The following IFT80 variants were observed in gnomAD, a reference collection of about 807,000 sequenced individuals.
IFT80 encodes intraflagellar transport 80, also known as intraflagellar transport protein 80 homolog.
In IFT80, 79 loss-of-function variants were observed where a neutral mutation model predicts 107.9. The observed-to-expected ratio is 0.73, with a 90% CI of 0.61 to 0.88. IFT80 has a LOEUF of 0.88. Among genes scored for constraint, IFT80 ranks in the 40% least tolerant of loss-of-function variants. The pLI is 0.00. For synonymous variants in IFT80, 299 were observed against 300.9 expected (o/e 0.99, Z 0.07); for missense variants, 797 against 914.2 (o/e 0.87, Z 1.65).
At chr3:160,357,208 A>G (rs1721158373) in intron 7 of IFT80, among the ~76,000 whole-genome samples, 1 of 151,928 alleles carries the variant, frequency 6.6e-6, no homozygotes, top group Non-Finnish European at 1.5e-5. Flanking sequence ...CAAGTGATCC[A>G]CTCACCTCAG....
At chr3:160,385,724 ACTT>A (rs1472199774) in intron 1 of IFT80, among the ~76,000 whole-genome samples, 1 of 152,200 alleles carries the variant, frequency 6.6e-6, no homozygotes, top group Non-Finnish European at 1.5e-5. Flanking sequence ...TCCCAGGCAC[ACTT>A]CTTAAGTTCA....
intron 8 of IFT80, among the ~76,000 whole-genome samples, chr3:160,328,461 C>CAAAAAAAAA (rs1236379581): frequency 2.1e-5 from 1 of 47,900 alleles, no homozygotes; most frequent in African/African-American, 7.8e-5. Context: ...GACTCCATCT[C>CAAAAAAAAA]AAAAAAAAAA....
chr3:160,358,337 C>T lies in IFT80; in HGVS notation c.550-759G>A, dbSNP rs1232562470. Among the ~76,000 whole-genome samples, 3 of 149,862 alleles carry T rather than the reference C, an allele frequency of 2.0e-5. No homozygotes were observed. In the East Asian group the frequency reaches 6.0e-4, roughly 30 times the overall value. On this transcript the variant is annotated intron_variant, in intron 6 of 19. Coordinates refer to ENST00000326448, the MANE Select transcript of IFT80 (RefSeq NM_020800.3). Reference sequence around the variant, plus strand: ...CCCCCTCAACCATTTTTTTTTTAAACTTCTGCACAAACATCTTTACTACCC... The same window carrying T: ...CCCCCTCAACCATTTTTTTTTTAAATTTCTGCACAAACATCTTTACTACCC...
chr3:160,304,115 T>G (rs896573892), intron 10 of IFT80, 126 bp from the exon 11 acceptor site: 2 of 692,548 alleles, frequency 2.9e-6, no homozygotes, highest in Non-Finnish European at 5.2e-6. Flanking sequence ...ATACTTTTAT[T>G]ACAGCACTTG....
intron 5 of IFT80, among the ~76,000 whole-genome samples, chr3:160,374,883 C>G (rs1001207713): frequency 1.2e-4 from 18 of 152,240 alleles, no homozygotes; most frequent in Admixed American, 1.1e-3. Flanking sequence ...AATAAATATT[C>G]TGCCTTGAGA....
At chr3:160,322,208 C>A (rs879786307) in intron 8 of IFT80, among the ~76,000 whole-genome samples, 1 of 146,154 alleles carries the variant, frequency 6.8e-6, no homozygotes, top group Non-Finnish European at 1.5e-5. Flanking sequence ...ACAACAGTCC[C>A]CAGAGTGTGA....
At position 160,372,900 on chromosome 3, in the gene IFT80, G is replaced by A. The variant is rs541565944; in HGVS notation, c.439+2912C>T. 1.2e-4 allele frequency among the ~76,000 whole-genome samples: 18 copies of A among 152,096 alleles called. No homozygotes were observed. The South Asian group carries it at 3.5e-3, about 30-fold the overall frequency. ...ATCTTGTTTACCCATCTATGGGAGG[G>A]CAGTGAGAGGAAGAGCATCACCATC... On this transcript the variant is annotated intron_variant, in intron 5 of 19. Transcript: ENST00000326448.
chr3:160,263,572 A>C (rs1019318331), intron 19 of IFT80, among the ~76,000 whole-genome samples: 7 of 152,148 alleles, frequency 4.6e-5, no homozygotes, highest in Non-Finnish European at 8.8e-5. Context: ...TCTTATTTTC[A>C]TCTCCTTCAA....
intron 8 of IFT80, among the ~76,000 whole-genome samples, chr3:160,324,490 A>C (rs1344177621): frequency 6.6e-6 from 1 of 152,130 alleles, no homozygotes; most frequent in Non-Finnish European, 1.5e-5. Context: ...CAAATCAATA[A>C]ATGTAATCCA....
intron 8 of IFT80, chr3:160,343,876 C>G (rs187131796): frequency 4.3e-6 from 1 of 234,880 alleles, no homozygotes; most frequent in East Asian, 1.5e-4. Context: ...GGGCAAGTAC[C>G]TGGCATCTAA....
intron 12 of IFT80, among the ~76,000 whole-genome samples, chr3:160,295,564 A>G (rs891723875): frequency 3.9e-5 from 6 of 152,012 alleles, no homozygotes; most frequent in African/African-American, 1.5e-4. Flanking sequence ...GCACCAGTGC[A>G]CTCTAGCCTG....
chr3:160,272,263 G>C (rs1255307634), intron 18 of IFT80, among the ~76,000 whole-genome samples: 1 of 152,058 alleles, frequency 6.6e-6, no homozygotes, highest in Non-Finnish European at 1.5e-5. Flanking sequence ...GAGTGAAACA[G>C]AGAAATAAGA....
intron 16 of IFT80, among the ~76,000 whole-genome samples, chr3:160,278,116 T>C (rs1211308202): frequency 1.3e-5 from 2 of 152,198 alleles, no homozygotes; most frequent in Admixed American, 1.3e-4. Flanking sequence ...GTTTTCCTTT[T>C]AATGAAAAGC....
At chr3:160,344,412 C>A (rs565440991) in intron 8 of IFT80, among the ~76,000 whole-genome samples, 1 of 152,146 alleles carries the variant, frequency 6.6e-6, no homozygotes, top group African/African-American at 2.4e-5. Context: ...TGAAACTAGA[C>A]CCCTATCTCT....
At chr3:160,332,534 T>C (rs973554997) in intron 8 of IFT80, among the ~76,000 whole-genome samples, 1 of 152,154 alleles carries the variant, frequency 6.6e-6, no homozygotes. Flanking sequence ...CAGTTTGGGA[T>C]ATGGGGCCTT....
chr3:160,327,836 A>G (rs1718784491), intron 8 of IFT80, among the ~76,000 whole-genome samples: 1 of 152,202 alleles, frequency 6.6e-6, no homozygotes, highest in Non-Finnish European at 1.5e-5. Context: ...AAATTGATAA[A>G]TGGGATCTAA....
chr3:160,304,718 A>G (rs1716715713), intron 10 of IFT80, among the ~76,000 whole-genome samples: 2 of 152,140 alleles, frequency 1.3e-5, no homozygotes, highest in Admixed American at 6.6e-5. Flanking sequence ...TACAGGCATG[A>G]GCCACTGTGC....
In IFT80 at chr3:160,301,511, A is replaced by G. The variant is rs116037851; in HGVS notation, c.1152-465T>C. On this transcript the variant is annotated intron_variant, in intron 11 of 19. Coordinates refer to ENST00000326448, the MANE Select transcript of IFT80 (RefSeq NM_020800.3). Reference sequence around the variant, plus strand: ...AAGATTAACTAGTGGTTAAAGTTTAAAGCAGTGAAAATGACTAAAAAAATT... The same window carrying G: ...AAGATTAACTAGTGGTTAAAGTTTAGAGCAGTGAAAATGACTAAAAAAATT... Among the ~76,000 whole-genome samples the G allele has an allele frequency of 3.2e-3, 481 of 152,096 alleles. 2 individuals carry two copies. The highest frequency in any genetic ancestry group is 0.011 in the African/African-American group (463 of 41,570).
chr3:160,363,350 C>T (rs995814312), intron 6 of IFT80, among the ~76,000 whole-genome samples: 6 of 151,906 alleles, frequency 3.9e-5, no homozygotes, highest in South Asian at 2.1e-4. Context: ...AACCACTGCT[C>T]GACAAAATAA....
Sources: gnomAD v4.1 joint callset for allele counts (sites outside exome capture counted in the v4.1 genomes callset) on GRCh38, gnomAD v4.1.1 for gene constraint, MANE v1.5 for transcripts, NCBI Gene and HGNC (gene_info 2026-07-23, HGNC 2026-07-21) for gene names.